PRMT8: variants seen among roughly 807,000 people sequenced by gnomAD.
PRMT8 encodes protein arginine methyltransferase 8.
A neutral mutation model predicts 47.1 loss-of-function variants in PRMT8; 7 were observed. The observed-to-expected ratio is 0.15, with a 90% CI of 0.08 to 0.28. The LOEUF is 0.28. PRMT8 is among the 10% of genes least tolerant of loss of function. The pLI is 1.00. For missense variants in PRMT8, 237 were observed against 505.4 expected (o/e 0.47, Z 5.09); for synonymous variants, 188 against 186.5 (o/e 1.01, Z -0.07).
rs1866801814 is a variant in PRMT8, at chr12:3,569,356, C to A, written c.625-121C>A. 1.5e-5 allele frequency: 12 copies of A among 827,172 alleles called. No homozygotes were observed. The highest frequency in any genetic ancestry group is 2.5e-5 in the Non-Finnish European group (12 of 475,550). The allele number at this position is 827,172 out of a possible 1,614,324, so 51.2% of individuals were successfully genotyped here. ...CCTCACCCCAGACAAGGTGACAGTC[C>A]ACTGCATGAGAGATGGTGGCAAGGG... On this transcript the variant is annotated intron_variant, in intron 5 of 9. Coordinates refer to ENST00000382622, the MANE Select transcript of PRMT8 (RefSeq NM_019854.5). The surrounding 1 kb of genome is among the most constrained non-coding windows in gnomAD (Gnocchi z 8.2).
Position 3,493,226 on chromosome 12 carries a change from G to A in PRMT8, c.75+1526G>A, listed in dbSNP as rs1865451362. Among the ~76,000 whole-genome samples the A allele has an allele frequency of 6.6e-6, 1 of 152,142 alleles. No homozygotes were observed. The highest frequency in any genetic ancestry group is 1.5e-5 in the Non-Finnish European group (1 of 68,016). ...TCCCCTCACCACTTCCTCTTCCCCA[G>A]CCCCCACCTGAGAGCAGACATTCGG... is the stretch of plus-strand genomic sequence containing the variant. On this transcript the variant is annotated intron_variant, in intron 1 of 9. Coordinates refer to ENST00000382622, the MANE Select transcript of PRMT8 (RefSeq NM_019854.5). This position sits in a 1 kb window ranked among gnomAD's most constrained non-coding sequence, Gnocchi z 8.2.
intron 1 of PRMT8, among the ~76,000 whole-genome samples, chr12:3,441,215 A>C (rs1372202699): frequency 6.6e-6 from 1 of 152,062 alleles, no homozygotes; most frequent in African/African-American, 2.4e-5. Context: ...TATATAATTA[A>C]TCACTACAGT....
chr12:3,562,268 C>T (rs1195592490), intron 4 of PRMT8, among the ~76,000 whole-genome samples: 1 of 152,170 alleles, frequency 6.6e-6, no homozygotes. Flanking sequence ...GCAACTGCTA[C>T]TTCCTTCCCT....
rs182056149 is a variant in PRMT8 at position 3,572,241 on chromosome 12, C to A, written c.712+2677C>A. Among the ~76,000 whole-genome samples, 2 of 151,710 alleles carry A rather than the reference C, an allele frequency of 1.3e-5. No homozygotes were observed. The highest frequency in any genetic ancestry group is 2.9e-5 in the Non-Finnish European group (2 of 67,948). On this transcript the variant is annotated intron_variant, in intron 6 of 9. Coordinates refer to ENST00000382622, the MANE Select transcript of PRMT8 (RefSeq NM_019854.5). The surrounding 1 kb of genome is among the most constrained non-coding windows in gnomAD (Gnocchi z 5.9). Reference sequence around the variant, plus strand: ...CTAGGCTCACAATACATAATTTTAACGAAGGAAGGAAGGAAGGAAGGAAAG... The same window carrying A: ...CTAGGCTCACAATACATAATTTTAAAGAAGGAAGGAAGGAAGGAAGGAAAG...
intron 3 of PRMT8, chr12:3,553,343 T>C (rs570263796): frequency 2.7e-5 from 12 of 446,128 alleles, no homozygotes; most frequent in African/African-American, 1.8e-4. Flanking sequence ...CCTCCTGCCA[T>C]TCTCTGCTGG....
chr12:3,430,322 C>G (rs185130653), intron 1 of PRMT8, among the ~76,000 whole-genome samples: 6 of 152,320 alleles, frequency 3.9e-5, no homozygotes, highest in Admixed American at 2.6e-4. Context: ...GCCCAGGGCA[C>G]AGTGCTGGGC....
chr12:3,430,666 T>C (rs1303316415), intron 1 of PRMT8, among the ~76,000 whole-genome samples: 1 of 152,250 alleles, frequency 6.6e-6, no homozygotes, highest in Non-Finnish European at 1.5e-5. Flanking sequence ...ACTCATATTT[T>C]CTCAACCTTT....
intron 1 of PRMT8, among the ~76,000 whole-genome samples, chr12:3,526,297 C>A (rs1256837692): frequency 6.6e-6 from 1 of 152,152 alleles, no homozygotes; most frequent in Non-Finnish European, 1.5e-5. Context: ...CCCATTTTAG[C>A]TATTGTGAGA....
chr12:3,510,755 C>T (rs1482856086), intron 1 of PRMT8, among the ~76,000 whole-genome samples: 1 of 152,136 alleles, frequency 6.6e-6, no homozygotes, highest in Non-Finnish European at 1.5e-5. Flanking sequence ...TACAGCTTTG[C>T]CTCAGCGGCA....
chr12:3,551,584 T>C (rs1250883740), intron 3 of PRMT8: 1 of 152,272 alleles, frequency 6.6e-6, no homozygotes, highest in Admixed American at 6.5e-5. Context: ...CAAGGAGCTG[T>C]CAGGAGGAGG....
intron 1 of PRMT8, among the ~76,000 whole-genome samples, chr12:3,410,770 G>C (rs1219633784): frequency 2.6e-5 from 4 of 152,184 alleles, no homozygotes; most frequent in African/African-American, 9.6e-5. Context: ...GCCTCCCAAA[G>C]TGCTGGGGTT....
chr12:3,576,887 T>G lies in PRMT8; in HGVS notation c.729T>G (p.Tyr243Ter). 6.2e-7 allele frequency: 1 copy of G among 1,614,120 alleles called. No individual in the cohort carries two copies. The highest frequency in any genetic ancestry group is 8.5e-7 in the Non-Finnish European group (1 of 1,179,998). Residue 243 changes from tyrosine to a stop codon, truncating the protein, a stop_gained, in exon 7 of 10, where the codon TAT (tyrosine) becomes TAG (stop). Transcript: ENST00000382622. LOFTEE classifies it high-confidence loss of function. The surrounding 1 kb of genome is among the most constrained non-coding windows in gnomAD (Gnocchi z 4.0). ...DFKIHWWENV[Y>*]GFDMTCIRDV... Reference sequence around the variant, plus strand: ...CTCCCACAGGGTGGGAGAATGTCTATGGCTTTGACATGACCTGCATCCGGG... The same window carrying G: ...CTCCCACAGGGTGGGAGAATGTCTAGGGCTTTGACATGACCTGCATCCGGG...
At chr12:3,482,351 C>A (rs1378540122) in intron 1 of PRMT8, among the ~76,000 whole-genome samples, 1 of 152,238 alleles carries the variant, frequency 6.6e-6, no homozygotes, top group African/African-American at 2.4e-5. Context: ...CCTCCACCAG[C>A]CACTTGCCAA....
intron 1 of PRMT8, among the ~76,000 whole-genome samples, chr12:3,460,783 G>A (rs1057490997): frequency 6.6e-6 from 1 of 152,182 alleles, no homozygotes; most frequent in Admixed American, 6.5e-5. Flanking sequence ...TCACCACCAT[G>A]CTCGTGGGGC....
chr12:3,574,134 A>G (rs1866897826), intron 6 of PRMT8: 1 of 152,236 alleles, frequency 6.6e-6, no homozygotes, highest in South Asian at 2.1e-4. Flanking sequence ...ATGTTTGGGA[A>G]TGAATCTCAA....
chr12:3,389,592 G>A (rs1008391375), intron 1 of PRMT8, among the ~76,000 whole-genome samples: 4 of 152,250 alleles, frequency 2.6e-5, no homozygotes, highest in African/African-American at 9.6e-5. Context: ...CAGCCTTGAA[G>A]GAGGCCACTG....
At chr12:3,563,736 C>G (rs574523965) in intron 4 of PRMT8, among the ~76,000 whole-genome samples, 1 of 152,192 alleles carries the variant, frequency 6.6e-6, no homozygotes, top group Admixed American at 6.5e-5. Context: ...GTTCAGCCCC[C>G]ACAACTTGAC....
At chr12:3,486,629 G>C (rs74831379), upstream of PRMT8, among the ~76,000 whole-genome samples, 1,178 of 152,236 alleles carry the variant, frequency 7.7e-3, 14 homozygotes, top group African/African-American at 0.026. Flanking sequence ...AGTATACAAC[G>C]TCCACCCAGT....
intron 1 of PRMT8, among the ~76,000 whole-genome samples, chr12:3,428,097 GAACCATCTATC>G (rs1382647671): frequency 6.6e-6 from 1 of 152,158 alleles, no homozygotes; most frequent in African/African-American, 2.4e-5. Flanking sequence ...TACCCTGGAG[GAACCATCTATC>G]ATCCTGTCCT....
Sources: allele counts gnomAD v4.1 joint callset (sites outside exome capture counted in the v4.1 genomes callset), GRCh38; gene constraint gnomAD v4.1.1; non-coding constraint Gnocchi (gnomAD v3.1); transcripts MANE v1.5; gene names NCBI Gene and HGNC (gene_info 2026-07-23, HGNC 2026-07-21).